Variants in LUZP2 observed in about 807,000 individuals in gnomAD.
LUZP2 encodes leucine zipper protein 2.
In LUZP2, 52 loss-of-function variants were observed where a neutral mutation model predicts 51.6. The observed-to-expected ratio is 1.01, with a 90% CI of 0.81 to 1.27. The LOEUF is 1.27. Among genes scored for constraint, LUZP2 ranks in the 50% most tolerant of loss-of-function variants. The probability of loss-of-function intolerance (pLI) is 0.00; values close to 1 mark genes in which losing one functional copy is unlikely to be tolerated. For missense variants in LUZP2, 436 were observed against 395.4 expected, an observed-to-expected ratio of 1.10 and a Z score of -0.87; for synonymous variants, 154 against 137.3, an observed-to-expected ratio of 1.12 and a Z score of -0.85.
At chr11:24,911,254 G>A (rs1853625308) in intron 6 of LUZP2, among the ~76,000 whole-genome samples, 1 of 152,180 alleles carries the variant, frequency 6.6e-6, no homozygotes, top group Admixed American at 6.5e-5. Context: ...GGACTTTTGG[G>A]TTAAAGCTGG....
chr11:24,741,948 TTTATATATTATATATAAATATATAC>T (rs1387933692), intron 4 of LUZP2, among the ~76,000 whole-genome samples: 26 of 105,916 alleles, frequency 2.5e-4, no homozygotes, highest in Admixed American at 1.6e-3. Context: ...AATATATACA[TTTATATATTATATATAAATATATAC>T]ATTTATATAT....
chr11:24,774,966 T>C (rs1848873384), intron 5 of LUZP2, among the ~76,000 whole-genome samples: 1 of 151,106 alleles, frequency 6.6e-6, no homozygotes, highest in Non-Finnish European at 1.5e-5. Context: ...TGCTCATTTC[T>C]GGCTACCTAC....
At chr11:24,681,389 A>G (rs1296426810) in intron 1 of LUZP2, among the ~76,000 whole-genome samples, 1 of 152,164 alleles carries the variant, frequency 6.6e-6, no homozygotes, top group Non-Finnish European at 1.5e-5. Flanking sequence ...GAGGTTAATA[A>G]TTACTCAAGT....
chr11:24,994,746 C>T (rs546161966), intron 9 of LUZP2, among the ~76,000 whole-genome samples: 11 of 152,216 alleles, frequency 7.2e-5, no homozygotes, highest in South Asian at 6.2e-4. Flanking sequence ...ATTAAATCTT[C>T]GAATATTCTA....
At chr11:24,546,280 T>C (rs1259089971) in intron 1 of LUZP2, among the ~76,000 whole-genome samples, 1 of 152,092 alleles carries the variant, frequency 6.6e-6, no homozygotes, top group Non-Finnish European at 1.5e-5. Context: ...TATTTCCTTA[T>C]CCTGCCTGAT....
intron 6 of LUZP2, among the ~76,000 whole-genome samples, chr11:24,909,512 A>AG (rs1467310980): frequency 6.6e-6 from 1 of 151,752 alleles, no homozygotes; most frequent in Non-Finnish European, 1.5e-5. Flanking sequence ...AAAAAAAAAA[A>AG]CAAAAGAAGA....
At chr11:24,602,227 C>CATATATGTGTATATATGT (rs1565020871) in intron 1 of LUZP2, among the ~76,000 whole-genome samples, 5 of 112,116 alleles carry the variant, frequency 4.5e-5, no homozygotes, top group African/African-American at 2.1e-4. Flanking sequence ...TATATATGTA[C>CATATATGTGTATATATGT]ATATATGTGT....
chr11:24,707,447 T>A (rs950546061), intron 1 of LUZP2, among the ~76,000 whole-genome samples: 2 of 151,068 alleles, frequency 1.3e-5, no homozygotes, highest in African/African-American at 4.9e-5. Flanking sequence ...GATGGACAAC[T>A]AAAAAAAAAT....
chr11:24,764,188 T>C (rs1020248242), intron 5 of LUZP2, among the ~76,000 whole-genome samples: 2 of 152,194 alleles, frequency 1.3e-5, no homozygotes, highest in Non-Finnish European at 2.9e-5. Flanking sequence ...CATTTATATA[T>C]GCACATGCAC....
chr11:24,652,475 T>C (rs1855658332), intron 1 of LUZP2, among the ~76,000 whole-genome samples: 1 of 152,094 alleles, frequency 6.6e-6, no homozygotes, highest in Admixed American at 6.6e-5. Flanking sequence ...AGAAATAATA[T>C]TTCATTTGCA....
chr11:25,036,107 G>A lies in LUZP2; in HGVS notation c.766-13931G>A, dbSNP rs187017326. On this transcript the variant is annotated intron_variant, in intron 9 of 11. Transcript: ENST00000336930. ...AATACCTCTGATCTGGGACTTTTTTGCCTGATAGATTCTTTATTGCTGATT... is the reference window on the plus strand; with the variant it reads ...AATACCTCTGATCTGGGACTTTTTTACCTGATAGATTCTTTATTGCTGATT... Among the ~76,000 whole-genome samples the A allele has an allele frequency of 1.1e-3, 171 of 152,048 alleles. 1 individual carries two copies. The highest frequency in any genetic ancestry group is 2.0e-3 in the Non-Finnish European group (136 of 67,954).
intron 1 of LUZP2, among the ~76,000 whole-genome samples, chr11:24,567,140 C>G (rs1039542110): frequency 4.7e-5 from 7 of 148,562 alleles, no homozygotes; most frequent in African/African-American, 1.7e-4. Flanking sequence ...TATGTCCAGC[C>G]AAAAAATTAA....
chr11:25,003,167 G>A (rs1856738906), intron 9 of LUZP2, among the ~76,000 whole-genome samples: 1 of 152,170 alleles, frequency 6.6e-6, no homozygotes, highest in Non-Finnish European at 1.5e-5. Flanking sequence ...CTGGCATGAG[G>A]CTTCCAAACT....
chr11:24,769,233 A>T (rs572649329), intron 5 of LUZP2, among the ~76,000 whole-genome samples: 1 of 152,310 alleles, frequency 6.6e-6, no homozygotes, highest in East Asian at 1.9e-4. Flanking sequence ...AGCTGGAGAA[A>T]GCAGGGAGTA....
In LUZP2 at chr11:24,807,456, A is replaced by G. The variant is rs1269241366; in HGVS notation, c.396+44148A>G. Among the ~76,000 whole-genome samples, 3 of 73,936 alleles carry G rather than the reference A, an allele frequency of 4.1e-5. No homozygotes were observed. The South Asian group carries it at 2.0e-3, about 51-fold the overall frequency. 48.5% of individuals were successfully genotyped at this position (73,936 alleles called of 152,430 possible). A position where few individuals can be genotyped will look rare whatever the true frequency, so the allele number is the denominator to read the frequency against. ...AGCCTGGGCGACAGAGTAAGACTCC[A>G]TCTCAAAAGAAAAAAAAAAAAAAGT... On this transcript the variant is annotated intron_variant, in intron 5 of 11. Coordinates refer to ENST00000336930, the MANE Select transcript of LUZP2 (RefSeq NM_001009909.4).
At chr11:25,077,241 AG>A (rs1328503037) in intron 10 of LUZP2, 87 bp from the exon 11 acceptor site, 2 of 971,824 alleles carry the variant, frequency 2.1e-6, no homozygotes, top group African/African-American at 3.2e-5. Context: ...TCTTCTCAAC[AG>A]GAAGAATTCA....
At chr11:24,960,510 C>T (rs1466917350) in intron 7 of LUZP2, among the ~76,000 whole-genome samples, 6 of 151,962 alleles carry the variant, frequency 3.9e-5, no homozygotes, top group Non-Finnish European at 7.4e-5. Context: ...TCCATTTCTT[C>T]TAGATTTTCT....
chr11:24,656,817 C>A (rs1442634279), intron 1 of LUZP2, among the ~76,000 whole-genome samples: 1 of 152,196 alleles, frequency 6.6e-6, no homozygotes, highest in African/African-American at 2.4e-5. Context: ...CTCTGCGTAT[C>A]CCCCTCATCT....
intron 5 of LUZP2, among the ~76,000 whole-genome samples, chr11:24,780,621 C>T (rs537254263): frequency 6.6e-6 from 1 of 152,086 alleles, no homozygotes; most frequent in African/African-American, 2.4e-5. Flanking sequence ...ATCGTAATAA[C>T]AACAGTTTAC....
Sources: allele counts gnomAD v4.1 joint callset (sites outside exome capture counted in the v4.1 genomes callset), GRCh38; gene constraint gnomAD v4.1.1; transcripts MANE v1.5; gene names NCBI Gene and HGNC (gene_info 2026-07-23, HGNC 2026-07-21).